Variants in DLG2 observed in about 807,000 individuals in gnomAD.
DLG2 encodes the protein disks large homolog 2.
Under a neutral mutation model 132.5 loss-of-function variants are expected in DLG2, and 45 were observed. The observed-to-expected ratio is 0.34, with a 90% CI of 0.27 to 0.44. DLG2 has a LOEUF of 0.44. Among genes scored for constraint, DLG2 ranks in the 20% least tolerant of loss-of-function variants. DLG2 has a pLI of 1.00. For synonymous variants in DLG2, 424 were observed against 419.6 expected, an observed-to-expected ratio of 1.01 and a Z score of -0.13; for missense variants, 1,045 against 1,196.9, an observed-to-expected ratio of 0.87 and a Z score of 1.87.
At chr11:84,510,949 A>T (rs896267043) in intron 7 of DLG2, among the ~76,000 whole-genome samples, 1 of 152,138 alleles carries the variant, frequency 6.6e-6, no homozygotes, top group African/African-American at 2.4e-5. Flanking sequence ...TCCAAAGCCG[A>T]AAGAGGAGAC....
chr11:85,521,075 A>G (rs767516099), intron 3 of DLG2, among the ~76,000 whole-genome samples: 5 of 152,202 alleles, frequency 3.3e-5, no homozygotes, highest in Non-Finnish European at 5.9e-5. Flanking sequence ...AAGTGAAGAG[A>G]CAACCAACAT....
rs895616149 is a variant in DLG2, at chr11:85,120,305, C to T, written c.283-8570G>A. ...GGCCAACATCAAGCAATAGCCAGAACGGACTAGCAATTAGATATGTTCTCA... is the reference window on the plus strand; with the variant it reads ...GGCCAACATCAAGCAATAGCCAGAATGGACTAGCAATTAGATATGTTCTCA... On this transcript the variant is annotated intron_variant, in intron 5 of 27. Transcript: ENST00000376104. Among the ~76,000 whole-genome samples, 12 of 151,954 alleles carry T rather than the reference C, an allele frequency of 7.9e-5. No individual in the cohort carries two copies. The South Asian group carries it at 1.9e-3, about 24-fold the overall frequency.
intron 7 of DLG2, among the ~76,000 whole-genome samples, chr11:84,520,767 G>C (rs990012201): frequency 8.5e-5 from 13 of 152,108 alleles, no homozygotes; most frequent in African/African-American, 3.1e-4. Context: ...GTGGAAGAAG[G>C]GGTTCTTTAA....
intron 18 of DLG2, among the ~76,000 whole-genome samples, chr11:83,703,263 A>G (rs1006837985): frequency 2.0e-5 from 3 of 152,270 alleles, no homozygotes; most frequent in East Asian, 1.9e-4. Context: ...GATGAAAAAA[A>G]CAGTGACAAA....
chr11:84,768,259 C>T (rs1233634910), intron 6 of DLG2, among the ~76,000 whole-genome samples: 4 of 152,104 alleles, frequency 2.6e-5, no homozygotes, highest in Non-Finnish European at 5.9e-5. Flanking sequence ...TGAGCCATCT[C>T]GTTATTCTAT....
At chr11:84,366,783 C>A (rs2098685746) in intron 7 of DLG2, among the ~76,000 whole-genome samples, 2 of 152,158 alleles carry the variant, frequency 1.3e-5, no homozygotes, top group African/African-American at 4.8e-5. Flanking sequence ...ATATATGCAC[C>A]CAATACAGGA....
intron 6 of DLG2, among the ~76,000 whole-genome samples, chr11:84,981,494 T>C (rs1195706810): frequency 3.3e-5 from 5 of 152,122 alleles, no homozygotes; most frequent in Non-Finnish European, 7.4e-5. Flanking sequence ...GAAGAGCCCA[T>C]TCTTGTGTTT....
At chr11:84,685,395 T>C (rs976178131) in intron 6 of DLG2, among the ~76,000 whole-genome samples, 11 of 152,190 alleles carry the variant, frequency 7.2e-5, no homozygotes, top group Non-Finnish European at 1.2e-4. Flanking sequence ...AATCTAGACA[T>C]GATCCCAGGA....
At chr11:83,483,950 ATG>A (rs1049138813) in intron 22 of DLG2, among the ~76,000 whole-genome samples, 177 bp downstream of exon 22, 1 of 152,122 alleles carries the variant, frequency 6.6e-6, no homozygotes, top group Non-Finnish European at 1.5e-5. Flanking sequence ...AAGAAGAGCC[ATG>A]TGAAAGGAGG....
intron 7 of DLG2, among the ~76,000 whole-genome samples, chr11:84,397,020 A>T (rs2154444539): frequency 6.6e-6 from 1 of 152,348 alleles, no homozygotes; most frequent in South Asian, 2.1e-4. Context: ...AATAATAGTT[A>T]TCATTTATTG....
At chr11:84,699,780 G>T (rs1468099413) in intron 6 of DLG2, among the ~76,000 whole-genome samples, 1 of 151,260 alleles carries the variant, frequency 6.6e-6, no homozygotes, top group Non-Finnish European at 1.5e-5. Context: ...TTTTTGCTTT[G>T]AGGTAATTGG....
rs1356774729 is a variant in DLG2 at position 84,059,466 on chromosome 11, C to T, written c.768G>A (p.Leu256=). The T allele has an allele frequency of 1.2e-6, 2 of 1,604,372 alleles. No homozygotes were observed. Among genetic ancestry groups the T allele is most frequent in the East Asian group, 4.5e-5 (2 of 44,014 alleles). ...CTGACACATCAACCTCATTCACCCG[C>T]AAGATACAATCATTGACCCTGCAAG... is the stretch of plus-strand genomic sequence containing the variant. ...DGRLRVNDCI[L]RVNEVDVSEV... is the part of the protein sequence containing the mutation. Residue 256 remains leucine, a synonymous_variant, in exon 11 of 28, where the codon TTG becomes TTA. Transcript: ENST00000376104.
At chr11:84,241,743 T>C (rs1207650693) in intron 8 of DLG2, among the ~76,000 whole-genome samples, 2 of 152,246 alleles carry the variant, frequency 1.3e-5, no homozygotes, top group African/African-American at 4.8e-5. Flanking sequence ...CAACTAGAGC[T>C]GCTTAAGGTC....
chr11:85,378,306 C>G (rs1453768423), intron 3 of DLG2, among the ~76,000 whole-genome samples: 1 of 152,042 alleles, frequency 6.6e-6, no homozygotes, highest in Non-Finnish European at 1.5e-5. Context: ...AATGAAGTCT[C>G]ATAATGGTAA....
At chr11:84,143,697 T>C (rs2094951020) in intron 9 of DLG2, among the ~76,000 whole-genome samples, 1 of 152,186 alleles carries the variant, frequency 6.6e-6, no homozygotes, top group Non-Finnish European at 1.5e-5. Context: ...TGTACATCTC[T>C]GTGTAACTAG....
At chr11:84,174,267 C>A (rs555366360) in intron 8 of DLG2, among the ~76,000 whole-genome samples, 1 of 151,986 alleles carries the variant, frequency 6.6e-6, no homozygotes, top group Admixed American at 6.6e-5. Context: ...AAAAATACTT[C>A]TTCCCCTATT....
At chr11:85,268,902 A>C (rs2152730685) in intron 4 of DLG2, among the ~76,000 whole-genome samples, 1 of 152,340 alleles carries the variant, frequency 6.6e-6, no homozygotes, top group South Asian at 2.1e-4. Context: ...TGTGGTTTCA[A>C]AATTACAACT....
chr11:84,110,850 A>G (rs919852429), intron 9 of DLG2, among the ~76,000 whole-genome samples: 3 of 152,214 alleles, frequency 2.0e-5, no homozygotes, highest in African/African-American at 7.2e-5. Context: ...CAATGTGAAG[A>G]GCAAACACAT....
intron 6 of DLG2, among the ~76,000 whole-genome samples, chr11:84,825,017 G>A (rs533898583): frequency 6.6e-6 from 1 of 151,992 alleles, no homozygotes; most frequent in Admixed American, 6.6e-5. Flanking sequence ...GTGGGTGTGA[G>A]AAACACTATT....
Sources: gnomAD v4.1 joint callset for allele counts (sites outside exome capture counted in the v4.1 genomes callset) on GRCh38, gnomAD v4.1.1 for gene constraint, MANE v1.5 for transcripts, NCBI Gene and HGNC (gene_info 2026-07-23, HGNC 2026-07-21) for gene names.